Variants in CCSER1 observed in about 807,000 individuals in gnomAD.
CCSER1 encodes the protein serine-rich coiled-coil domain-containing protein 1.
Under a neutral mutation model 82.0 loss-of-function variants are expected in CCSER1, and 41 were observed. That is an observed-to-expected ratio of 0.50 (90% CI 0.39 to 0.65). The LOEUF is 0.65. CCSER1 is among the 30% of genes least tolerant of loss of function. The pLI is 0.00. For synonymous variants in CCSER1, 414 were observed against 383.9 expected (o/e 1.08, Z -0.92); for missense variants, 1,119 against 1,064.2 (o/e 1.05, Z -0.72).
intron 8 of CCSER1, among the ~76,000 whole-genome samples, chr4:90,861,948 G>A (rs1204316858): frequency 7.0e-6 from 1 of 142,900 alleles, no homozygotes; most frequent in Non-Finnish European, 1.5e-5. Flanking sequence ...TGTTAGACTA[G>A]TGTTGATTGC....
chr4:91,395,089 A>G (rs1426933223), intron 10 of CCSER1, among the ~76,000 whole-genome samples: 2 of 152,078 alleles, frequency 1.3e-5, no homozygotes, highest in East Asian at 3.9e-4. Flanking sequence ...AACTTTCAAA[A>G]TATTATGGGT....
intron 9 of CCSER1, among the ~76,000 whole-genome samples, chr4:90,993,124 C>A (rs1737184996): frequency 6.6e-6 from 1 of 152,072 alleles, no homozygotes; most frequent in African/African-American, 2.4e-5. Flanking sequence ...ATGTCCCAGC[C>A]TCTCTGTCTA....
chr4:90,829,190 C>T (rs894416859), intron 8 of CCSER1, among the ~76,000 whole-genome samples: 7 of 152,062 alleles, frequency 4.6e-5, no homozygotes, highest in Non-Finnish European at 7.4e-5. Flanking sequence ...AAGGAAACAA[C>T]GTTCAACAAA....
rs75165355 is a variant in CCSER1, at chr4:91,121,450, T to C, written c.2217+35456T>C. On this transcript the variant is annotated intron_variant, in intron 10 of 10. Transcript: ENST00000509176. The stretch of plus-strand genomic sequence containing the variant: ...GTCTAAGAGGAAACTGTTCCTATTT[T>C]CTGTTCTTTATAGTAGAAGTGTATG... 3.1e-3 allele frequency among the ~76,000 whole-genome samples: 467 copies of C among 151,840 alleles called. 4 individuals carry two copies. Among genetic ancestry groups the C allele is most frequent in the African/African-American group, 0.011 (449 of 41,504 alleles).
intron 1 of CCSER1, among the ~76,000 whole-genome samples, chr4:90,260,734 A>C (rs1259570560): frequency 1.3e-5 from 2 of 152,172 alleles, no homozygotes; most frequent in Non-Finnish European, 2.9e-5. Flanking sequence ...TGATTTATTA[A>C]GACAGAGTTT....
chr4:90,367,320 G>C (rs1166458252), intron 3 of CCSER1, among the ~76,000 whole-genome samples: 1 of 151,832 alleles, frequency 6.6e-6, no homozygotes, highest in African/African-American at 2.4e-5. Flanking sequence ...ATAAGCCGGG[G>C]ATCCCTTATG....
chr4:90,592,568 T>C (rs1053621980), intron 5 of CCSER1, among the ~76,000 whole-genome samples: 1 of 152,210 alleles, frequency 6.6e-6, no homozygotes, highest in African/African-American at 2.4e-5. Context: ...CATAAACTTG[T>C]ATATTATTTT....
intron 10 of CCSER1, among the ~76,000 whole-genome samples, chr4:91,565,951 C>G (rs151206379): frequency 3.9e-5 from 6 of 152,090 alleles, no homozygotes; most frequent in Non-Finnish European, 4.4e-5. Flanking sequence ...TGGGAGAAGG[C>G]ATGCTTGTCT....
chr4:91,568,168 T>C (rs1035907182), intron 10 of CCSER1, among the ~76,000 whole-genome samples: 9 of 152,266 alleles, frequency 5.9e-5, no homozygotes, highest in Non-Finnish European at 4.4e-5. Flanking sequence ...ATGTTGAATA[T>C]GAGTATCAAT....
chr4:91,197,530 A>C (rs191044693), intron 10 of CCSER1, among the ~76,000 whole-genome samples: 1 of 152,258 alleles, frequency 6.6e-6, no homozygotes, highest in Admixed American at 6.5e-5. Flanking sequence ...AGTTTGTTTA[A>C]ATTTAAAAGC....
intron 3 of CCSER1, among the ~76,000 whole-genome samples, chr4:90,315,075 C>T (rs1407246186): frequency 6.6e-6 from 1 of 151,898 alleles, no homozygotes; most frequent in Non-Finnish European, 1.5e-5. Flanking sequence ...TTGAACTCCT[C>T]CTGACCTCAA....
chr4:91,087,727 T>C (rs1723525229), intron 10 of CCSER1, among the ~76,000 whole-genome samples: 3 of 152,130 alleles, frequency 2.0e-5, no homozygotes, highest in South Asian at 4.1e-4. Context: ...CTTCTGCACT[T>C]GACATCTCTA....
At chr4:90,782,607 G>T (rs1166311429) in intron 7 of CCSER1, among the ~76,000 whole-genome samples, 1 of 151,958 alleles carries the variant, frequency 6.6e-6, no homozygotes, top group Non-Finnish European at 1.5e-5. Context: ...TGAAAAAGGG[G>T]ATTGTTTGTC....
At chr4:91,398,420 A>T (rs115141642) in intron 10 of CCSER1, among the ~76,000 whole-genome samples, 3,562 of 152,050 alleles carry the variant, frequency 0.023, 117 homozygotes, top group African/African-American at 0.08. Context: ...TAAATATTAT[A>T]TTTAAAATAC....
At chr4:91,154,696 G>A (rs1730626037) in intron 10 of CCSER1, among the ~76,000 whole-genome samples, 2 of 151,958 alleles carry the variant, frequency 1.3e-5, no homozygotes, top group South Asian at 4.1e-4. Context: ...TAAAATGATA[G>A]AAAGAAGTAA....
chr4:90,437,785 T>C (rs1381556566), intron 4 of CCSER1, among the ~76,000 whole-genome samples: 2 of 152,136 alleles, frequency 1.3e-5, no homozygotes, highest in African/African-American at 4.8e-5. Flanking sequence ...TACTGACTAC[T>C]TGGGTACATA....
intron 1 of CCSER1, among the ~76,000 whole-genome samples, chr4:90,155,856 T>A (rs1387809431): frequency 4.0e-5 from 6 of 151,628 alleles, no homozygotes; most frequent in African/African-American, 1.5e-4. Flanking sequence ...GAAGGGTTTT[T>A]TGTGTCTCTA....
chr4:90,241,374 A>G (rs372576785), intron 1 of CCSER1, among the ~76,000 whole-genome samples: 1 of 152,180 alleles, frequency 6.6e-6, no homozygotes. Context: ...GGTATCAAAT[A>G]TGATATTTAC....
At chr4:91,567,522 T>A (rs1762947828) in intron 10 of CCSER1, among the ~76,000 whole-genome samples, 1 of 152,132 alleles carries the variant, frequency 6.6e-6, no homozygotes, top group Admixed American at 6.6e-5. Flanking sequence ...TGTTTCTCTT[T>A]GTAGATCTCT....
Sources: allele counts gnomAD v4.1 joint callset (sites outside exome capture counted in the v4.1 genomes callset), GRCh38; gene constraint gnomAD v4.1.1; transcripts MANE v1.5; gene names NCBI Gene and HGNC (gene_info 2026-07-23, HGNC 2026-07-21).